Variants in MYLIP observed in about 807,000 individuals in gnomAD.
MYLIP encodes the protein myosin regulatory light chain interacting protein.
MYLIP carries 26 observed loss-of-function variants against 45.8 expected under a neutral mutation model. That is an observed-to-expected ratio of 0.57 (90% CI 0.42 to 0.79). MYLIP has a LOEUF of 0.79. MYLIP is among the 30% of genes least tolerant of loss of function. The pLI, the probability that MYLIP is intolerant of heterozygous loss-of-function variation, is 0.00. For missense variants in MYLIP, 494 were observed against 555.6 expected (o/e 0.89, Z 1.11); for synonymous variants, 213 against 218.1 (o/e 0.98, Z 0.21).
At chr6:16,152,212 C>T (rs547050555), downstream of MYLIP, among the ~76,000 whole-genome samples, 98 of 152,318 alleles carry the variant, frequency 6.4e-4, no homozygotes, top group African/African-American at 2.3e-3. Context: ...AAAATTTCAG[C>T]TTTGCTTTGA....
the MYLIP span, among the ~76,000 whole-genome samples, chr6:16,160,227 G>A: frequency 1.3e-5 from 2 of 152,156 alleles, no homozygotes; most frequent in Non-Finnish European, 2.9e-5. Flanking sequence ...AAACCCTAGA[G>A]CCATATATAC....
At chr6:16,141,546 G>C in intron 2 of MYLIP, 79 bp from the exon 3 acceptor site, 1 of 1,316,976 alleles carries the variant, frequency 7.6e-7, no homozygotes, top group Non-Finnish European at 1.0e-6. Context: ...CCTTAAAAGT[G>C]ACTGTGAAAT....
chr6:16,129,456 G>A lies in MYLIP; in HGVS notation c.87+47G>A, dbSNP rs980708396. Reference sequence around the variant, plus strand: ...GGGCCCCGGCGGGTCCCGCGAGGCCGAGGGGCCTCGCAGCGACGCCTGGCA... The same window carrying A: ...GGGCCCCGGCGGGTCCCGCGAGGCCAAGGGGCCTCGCAGCGACGCCTGGCA... On this transcript the variant is annotated intron_variant, in intron 1 of 6. Coordinates refer to ENST00000356840, the MANE Select transcript of MYLIP (RefSeq NM_013262.4). The surrounding 1 kb of genome is among the most constrained non-coding windows in gnomAD (Gnocchi z 5.1). 21 of 1,519,926 alleles carry A rather than the reference G, an allele frequency of 1.4e-5. No individual in the cohort carries two copies. Among genetic ancestry groups the A allele is most frequent in the Middle Eastern group, 2.3e-4 (1 of 4,382 alleles). The allele number at this position is 1,519,926 out of a possible 1,614,324, so 94.2% of individuals were successfully genotyped here. A position where few individuals can be genotyped will look rare whatever the true frequency, so the allele number is the denominator to read the frequency against.
the MYLIP span, among the ~76,000 whole-genome samples, chr6:16,156,353 C>T: frequency 4.9e-4 from 75 of 152,338 alleles, no homozygotes; most frequent in East Asian, 3.7e-3. Context: ...TCCCTATCAA[C>T]GGTAAAATAA....
In MYLIP at chr6:16,141,652, G is replaced by A. The variant is rs1003625312; in HGVS notation, c.306G>A (p.Glu102=). 4 of 1,613,448 alleles carry A rather than the reference G, an allele frequency of 2.5e-6. No individual in the cohort carries two copies. The highest frequency in any genetic ancestry group is 2.5e-6 in the Non-Finnish European group (3 of 1,179,504). ...TRHIFFLHIK[E]ALLAGHLLCS... is the part of the protein sequence containing the mutation. Reference sequence around the variant, plus strand: ...ATATCTTTTTCTTGCACATCAAGGAGGCCCTCTTGGCAGGCCACCTCTTGT... The same window carrying A: ...ATATCTTTTTCTTGCACATCAAGGAAGCCCTCTTGGCAGGCCACCTCTTGT... The change falls in exon 3 of 7, where the codon GAG becomes GAA. Residue 102 remains glutamate (E), a synonymous_variant. Coordinates refer to ENST00000356840, the MANE Select transcript of MYLIP (RefSeq NM_013262.4).
At chr6:16,131,959 T>C (rs1390629315) in intron 2 of MYLIP, among the ~76,000 whole-genome samples, 2 of 152,228 alleles carry the variant, frequency 1.3e-5, no homozygotes, top group Non-Finnish European at 2.9e-5. Flanking sequence ...ATGTTTTAGC[T>C]GTCTGTATTA....
At chr6:16,152,393 C>A (rs1363759616), downstream of MYLIP, among the ~76,000 whole-genome samples, 1 of 152,134 alleles carries the variant, frequency 6.6e-6, no homozygotes, top group Non-Finnish European at 1.5e-5. Flanking sequence ...GCAATATTGG[C>A]CCCCAGGAAG....
the MYLIP span, among the ~76,000 whole-genome samples, chr6:16,162,785 TAAA>T: frequency 2.2e-4 from 15 of 69,592 alleles, no homozygotes; most frequent in South Asian, 1.8e-3. Context: ...ACCTCAACTC[TAAA>T]AAAAAAAAAA....
chr6:16,151,862 A>C (rs921163533), downstream of MYLIP, among the ~76,000 whole-genome samples: 3 of 152,256 alleles, frequency 2.0e-5, no homozygotes, highest in Admixed American at 2.0e-4. Context: ...GGGCAAGAAA[A>C]ACTTAAAGGG....
chr6:16,149,737 G>A (rs887225561), downstream of MYLIP, among the ~76,000 whole-genome samples: 2 of 152,222 alleles, frequency 1.3e-5, no homozygotes, highest in East Asian at 3.8e-4. Flanking sequence ...AACAGTGGCA[G>A]AGAACTCAAT....
chr6:16,132,915 C>A (rs1759486172), intron 2 of MYLIP, among the ~76,000 whole-genome samples: 1 of 152,000 alleles, frequency 6.6e-6, no homozygotes, highest in South Asian at 2.1e-4. Context: ...TTTTTTTATT[C>A]TTTTCTAAAT....
At chr6:16,157,460 A>G in the MYLIP span, among the ~76,000 whole-genome samples, 1 of 152,222 alleles carries the variant, frequency 6.6e-6, no homozygotes, top group Non-Finnish European at 1.5e-5. Flanking sequence ...CTCCTCTTCC[A>G]GAAAGTATAA....
At position 16,146,882 on chromosome 6, in the gene MYLIP, G is replaced by C; in HGVS notation, c.*131G>C. 1 of 671,698 alleles carries C rather than the reference G, an allele frequency of 1.5e-6. No homozygotes were observed. Among genetic ancestry groups the C allele is most frequent in the Non-Finnish European group, 2.4e-6 (1 of 417,940 alleles). The allele number at this position is 671,698 out of a possible 1,614,324, so 41.6% of individuals were successfully genotyped here. A position where few individuals can be genotyped will look rare whatever the true frequency, so the allele number is the denominator to read the frequency against. On this transcript the variant is annotated 3_prime_UTR_variant, in exon 7 of 7. Transcript: ENST00000356840. ...CATGCGATGTTAAAAAAAAAAAAAA[G>C]GAAGAAAAATAACACAGCTACTCCT...
chr6:16,161,743 A>G, the MYLIP span, among the ~76,000 whole-genome samples: 1 of 152,226 alleles, frequency 6.6e-6, no homozygotes, highest in Non-Finnish European at 1.5e-5. Flanking sequence ...CTCATTACCT[A>G]TATTTGACAA....
At chr6:16,132,734 T>C (rs2113514028) in intron 2 of MYLIP, among the ~76,000 whole-genome samples, 1 of 152,330 alleles carries the variant, frequency 6.6e-6, no homozygotes, top group East Asian at 1.9e-4. Context: ...CATGAAACTA[T>C]AGAACAAAAA....
chr6:16,129,316 C>T lies in MYLIP; in HGVS notation c.-7C>T. The T allele has an allele frequency of 6.4e-7, 1 of 1,562,488 alleles. No homozygotes were observed. The highest frequency in any genetic ancestry group is 8.7e-7 in the Non-Finnish European group (1 of 1,154,548). ...AGGCGGCTGTGGCGGCAGCGGCAGC[C>T]CCAGCCATGCTGTGTTATGTGACGA... is the stretch of plus-strand genomic sequence containing the variant. On this transcript the variant is annotated 5_prime_UTR_variant, in exon 1 of 7. Transcript: ENST00000356840. This position sits in a 1 kb window ranked among gnomAD's most constrained non-coding sequence, Gnocchi z 5.1.
intron 2 of MYLIP, among the ~76,000 whole-genome samples, chr6:16,138,128 A>G (rs1176471064): frequency 6.6e-6 from 1 of 152,222 alleles, no homozygotes; most frequent in Non-Finnish European, 1.5e-5. Flanking sequence ...ATTCATGGAC[A>G]TTTCCTTAAG....
At chr6:16,158,208 G>A in the MYLIP span, among the ~76,000 whole-genome samples, 18 of 152,244 alleles carry the variant, frequency 1.2e-4, no homozygotes, top group East Asian at 3.1e-3. Context: ...AAAGCACACC[G>A]TCCCCGCCAC....
At chr6:16,131,029 GAAAAA>G (rs11394742) in intron 2 of MYLIP, among the ~76,000 whole-genome samples, 17 of 115,242 alleles carry the variant, frequency 1.5e-4, no homozygotes, top group Middle Eastern at 5.1e-3. Context: ...GCTACCCCAG[GAAAAA>G]AAAAAAAAAA....
Sources: gnomAD v4.1 joint callset for allele counts (sites outside exome capture counted in the v4.1 genomes callset) on GRCh38, gnomAD v4.1.1 for gene constraint, Gnocchi (gnomAD v3.1) non-coding constraint, MANE v1.5 for transcripts, NCBI Gene and HGNC (gene_info 2026-07-23, HGNC 2026-07-21) for gene names.